Variants in SHLD1 observed in about 807,000 individuals in gnomAD.
SHLD1 encodes the protein RINN1-REV7-interacting novel NHEJ regulator 3.
In SHLD1, 3 loss-of-function variants were observed where a neutral mutation model predicts 5.5. The ratio of observed to expected loss-of-function variants is 0.54; its 90% CI spans 0.25 to 1.40. The LOEUF (loss-of-function observed/expected upper bound fraction) is 1.40, where lower values mean the gene tolerates loss of function less well. Ranked by LOEUF, SHLD1 falls within the 40% of genes most tolerant of loss-of-function variation. SHLD1 has a pLI of 0.15. For synonymous variants in SHLD1, 92 were observed against 94.3 expected, an observed-to-expected ratio of 0.98 and a Z score of 0.14; for missense variants, 210 against 244.4, an observed-to-expected ratio of 0.86 and a Z score of 0.94.
intron 1 of SHLD1, among the ~76,000 whole-genome samples, chr20:5,755,480 A>G (rs1298787095): frequency 6.6e-6 from 1 of 152,168 alleles, no homozygotes; most frequent in Non-Finnish European, 1.5e-5. Context: ...GTCCATGGAA[A>G]AATTGTCTTC....
intron 1 of SHLD1, among the ~76,000 whole-genome samples, chr20:5,766,045 A>G (rs1395534415): frequency 6.6e-6 from 1 of 152,078 alleles, no homozygotes; most frequent in Non-Finnish European, 1.5e-5. Context: ...GATTCCATTC[A>G]TTTCATATTG....
At chr20:5,776,219 G>A (rs142597677) in intron 2 of SHLD1, among the ~76,000 whole-genome samples, 28 of 152,114 alleles carry the variant, frequency 1.8e-4, no homozygotes, top group African/African-American at 5.8e-4. Flanking sequence ...GATTACAGGC[G>A]TGAGCCACTG....
chr20:5,767,442 T>C (rs764090443), intron 1 of SHLD1, among the ~76,000 whole-genome samples: 1 of 152,190 alleles, frequency 6.6e-6, no homozygotes, highest in Non-Finnish European at 1.5e-5. Flanking sequence ...CTGGCCTCTT[T>C]ATTCATTTAT....
At chr20:5,812,056 T>G (rs2087465271) in intron 2 of SHLD1, among the ~76,000 whole-genome samples, 1 of 151,656 alleles carries the variant, frequency 6.6e-6, no homozygotes, top group South Asian at 2.1e-4. Flanking sequence ...TCTAGGAACT[T>G]CTTTTTCTTT....
In SHLD1 at chr20:5,785,773, G is replaced by A. The variant is rs141272018; in HGVS notation, c.178+12730G>A. On this transcript the variant is annotated intron_variant, in intron 2 of 2. Transcript: ENST00000303142. ...ACTGTGCCACTGCACTCCAGCCTGG[G>A]TAACAGAGTAAGACTCCGTCTCCAA... is the stretch of plus-strand genomic sequence containing the variant. Among the ~76,000 whole-genome samples, 241 of 141,424 alleles carry A rather than the reference G, an allele frequency of 1.7e-3. 3 individuals carry two copies. The East Asian group carries it at 0.04, about 24-fold the overall frequency. 92.8% of individuals were successfully genotyped at this position (141,424 alleles called of 152,430 possible). A position where few individuals can be genotyped will look rare whatever the true frequency, so the allele number is the denominator to read the frequency against.
intron 1 of SHLD1, among the ~76,000 whole-genome samples, chr20:5,753,063 T>G (rs11697097): frequency 0.22 from 33,668 of 152,114 alleles, 4,202 homozygotes; most frequent in South Asian, 0.34. Context: ...CCTCCCAAAG[T>G]GCTGGGATTA....
intron 1 of SHLD1, among the ~76,000 whole-genome samples, chr20:5,757,524 CTT>C (rs921852026): frequency 1.3e-5 from 2 of 152,026 alleles, no homozygotes; most frequent in African/African-American, 4.8e-5. Flanking sequence ...TTGTCAAAAA[CTT>C]GTGTGTGTGT....
chr20:5,835,524 G>C (rs191792692), intron 2 of SHLD1, among the ~76,000 whole-genome samples: 186 of 152,250 alleles, frequency 1.2e-3, no homozygotes, highest in Non-Finnish European at 2.2e-3. Context: ...ACTGGGGAAG[G>C]CTTCCTAGGG....
At chr20:5,825,896 CAGAACTGAGTATT>C in intron 2 of SHLD1, among the ~76,000 whole-genome samples, 1 of 152,210 alleles carries the variant, frequency 6.6e-6, no homozygotes, top group East Asian at 1.9e-4. Flanking sequence ...TTTTCATTCT[CAGAACTGAGTATT>C]ATGCAACTGA....
chr20:5,772,265 C>A, intron 1 of SHLD1: 1 of 415,916 alleles, frequency 2.4e-6, no homozygotes. Flanking sequence ...TGTTTTGGGG[C>A]CATTAATAAG....
chr20:5,785,187 G>T (rs185942865), intron 2 of SHLD1, among the ~76,000 whole-genome samples: 3 of 152,324 alleles, frequency 2.0e-5, no homozygotes, highest in East Asian at 3.9e-4. Context: ...ATGTATTTAT[G>T]AGATAAAGGC....
At chr20:5,756,110 G>T (rs915637549) in intron 1 of SHLD1, among the ~76,000 whole-genome samples, 2 of 152,016 alleles carry the variant, frequency 1.3e-5, no homozygotes, top group African/African-American at 4.8e-5. Context: ...TTCGAAGAGA[G>T]AAAAGTATAA....
intron 2 of SHLD1, among the ~76,000 whole-genome samples, chr20:5,844,164 G>A (rs995156025): frequency 1.3e-5 from 2 of 152,186 alleles, no homozygotes; most frequent in Non-Finnish European, 2.9e-5. Flanking sequence ...ATCTCATGGT[G>A]TTTCCTTCTT....
intron 2 of SHLD1, among the ~76,000 whole-genome samples, chr20:5,818,544 A>G (rs1462730716): frequency 6.6e-6 from 1 of 152,210 alleles, no homozygotes; most frequent in African/African-American, 2.4e-5. Flanking sequence ...AGAGTTGCCA[A>G]GAAATAAGAG....
chr20:5,842,685 A>C (rs986427870), intron 2 of SHLD1, among the ~76,000 whole-genome samples: 4 of 150,960 alleles, frequency 2.6e-5, no homozygotes, highest in Non-Finnish European at 4.4e-5. Context: ...TTTTTTCTCT[A>C]TCTCTCTCTC....
intron 1 of SHLD1, among the ~76,000 whole-genome samples, chr20:5,751,802 T>G (rs528540375): frequency 1.6e-5 from 2 of 126,000 alleles, no homozygotes; most frequent in South Asian, 4.2e-4. Context: ...TTATAGTTTG[T>G]TTTTTTTACA....
chr20:5,822,272 A>T (rs2087614600), intron 2 of SHLD1, among the ~76,000 whole-genome samples: 1 of 152,268 alleles, frequency 6.6e-6, no homozygotes, highest in African/African-American at 2.4e-5. Flanking sequence ...AGCCCAGCCA[A>T]CACGATGAAA....
intron 2 of SHLD1, among the ~76,000 whole-genome samples, chr20:5,797,134 T>C (rs962990806): frequency 5.3e-5 from 8 of 152,068 alleles, no homozygotes; most frequent in African/African-American, 1.9e-4. Flanking sequence ...ATTTTAAAAA[T>C]TTAAAACTAC....
intron 2 of SHLD1, among the ~76,000 whole-genome samples, chr20:5,835,570 G>C (rs1181286522): frequency 6.6e-6 from 1 of 152,170 alleles, no homozygotes; most frequent in African/African-American, 2.4e-5. Context: ...GGAGCACCAG[G>C]TGAAGAAAAC....
Sources: allele counts gnomAD v4.1 joint callset (sites outside exome capture counted in the v4.1 genomes callset), GRCh38; gene constraint gnomAD v4.1.1; transcripts MANE v1.5; gene names NCBI Gene and HGNC (gene_info 2026-07-23, HGNC 2026-07-21).